The following PTPRG variants were observed in gnomAD, a reference collection of about 807,000 sequenced individuals.
PTPRG encodes the protein receptor-type tyrosine-protein phosphatase gamma.
A neutral mutation model predicts 165.3 loss-of-function variants in PTPRG; 102 were observed. The ratio of observed to expected loss-of-function variants is 0.62; its 90% CI spans 0.53 to 0.73. The LOEUF (loss-of-function observed/expected upper bound fraction) is 0.73. PTPRG is among the 30% of genes least tolerant of loss of function. The probability of loss-of-function intolerance (pLI) is 0.00; values close to 1 mark genes in which losing one functional copy is unlikely to be tolerated. For missense variants in PTPRG, 1,866 were observed against 1,861.4 expected, an observed-to-expected ratio of 1.00 and a Z score of -0.05; for synonymous variants, 675 against 669.5, an observed-to-expected ratio of 1.01 and a Z score of -0.13.
At chr3:62,170,826 C>T (rs1054799881) in intron 8 of PTPRG, among the ~76,000 whole-genome samples, 15 of 152,168 alleles carry the variant, frequency 9.9e-5, no homozygotes, top group East Asian at 1.9e-4. Context: ...GTGCAGTACC[C>T]GTAATACGTG....
intron 2 of PTPRG, 133 bp from the exon 3 acceptor site, chr3:61,989,492 C>A (rs1469559403): frequency 1.3e-6 from 1 of 798,280 alleles, no homozygotes; most frequent in Non-Finnish European, 1.9e-6. Context: ...GGCTTTGATT[C>A]ATAGTTTTCA....
chr3:62,137,715 A>G (rs748691450), intron 6 of PTPRG, among the ~76,000 whole-genome samples: 1 of 151,988 alleles, frequency 6.6e-6, no homozygotes, highest in Non-Finnish European at 1.5e-5. Flanking sequence ...TCTCAGTCCA[A>G]CCACTGAGCT....
At chr3:61,992,095 T>G (rs1329770453) in intron 3 of PTPRG, among the ~76,000 whole-genome samples, 2 of 152,196 alleles carry the variant, frequency 1.3e-5, no homozygotes, top group Non-Finnish European at 2.9e-5. Context: ...AATAGATCTT[T>G]GTTACTCTCA....
At chr3:62,109,012 A>T (rs1377722740) in intron 5 of PTPRG, among the ~76,000 whole-genome samples, 1 of 151,668 alleles carries the variant, frequency 6.6e-6, no homozygotes, top group African/African-American at 2.4e-5. Flanking sequence ...CACCCTGATG[A>T]TAGTTTCTTT....
At chr3:61,886,032 T>A (rs2038027581) in intron 2 of PTPRG, among the ~76,000 whole-genome samples, 2 of 151,808 alleles carry the variant, frequency 1.3e-5, no homozygotes, top group African/African-American at 4.8e-5. Context: ...CCCTGGACAC[T>A]GACCCAGGAC....
chr3:61,925,422 C>T (rs1036149160), intron 2 of PTPRG, among the ~76,000 whole-genome samples: 4 of 152,152 alleles, frequency 2.6e-5, no homozygotes, highest in Admixed American at 6.5e-5. Flanking sequence ...TCTTCATCAC[C>T]GGAAGCCCAG....
rs1168729047 is a variant in PTPRG at position 61,734,859 on chromosome 3, T to C, written c.86-14019T>C. On this transcript the variant is annotated intron_variant, in intron 1 of 29. Coordinates refer to ENST00000474889, the MANE Select transcript of PTPRG (RefSeq NM_002841.4). ...TAGCTTCTTGTATATAAATAGATAT[T>C]GAGAGGGGGGGAATAATACTGAACT... 4.6e-5 allele frequency among the ~76,000 whole-genome samples: 7 copies of C among 152,180 alleles called. No homozygotes were observed. The East Asian group carries it at 1.3e-3, about 29-fold the overall frequency.
rs372040498 is a variant in PTPRG at position 61,706,202 on chromosome 3, T to TG, written c.86-42669dup. ...AAAAAAGAAAAACCCAGAAATACCC[T>TG]GGGGGGGAAAAAAAAAAGAACCTGG... On this transcript the variant is annotated intron_variant, in intron 1 of 29. Coordinates refer to ENST00000474889, the MANE Select transcript of PTPRG (RefSeq NM_002841.4). Among the ~76,000 whole-genome samples the TG allele has an allele frequency of 5.9e-3, 891 of 150,852 alleles. 9 individuals are homozygous for TG. The highest frequency in any genetic ancestry group is 0.02 in the African/African-American group (814 of 41,044).
intron 12 of PTPRG, among the ~76,000 whole-genome samples, chr3:62,208,100 A>C (rs1007260184): frequency 1.3e-5 from 2 of 152,198 alleles, no homozygotes; most frequent in Non-Finnish European, 2.9e-5. Context: ...CGGGTGGTCA[A>C]CCTCTACTGT....
chr3:61,998,441 T>G (rs2041091075), intron 3 of PTPRG, among the ~76,000 whole-genome samples: 1 of 152,232 alleles, frequency 6.6e-6, no homozygotes, highest in African/African-American at 2.4e-5. Flanking sequence ...TGTGAACCCC[T>G]TAACAAACCT....
chr3:62,272,198 A>G (rs1387671644), intron 21 of PTPRG, among the ~76,000 whole-genome samples: 1 of 152,186 alleles, frequency 6.6e-6, no homozygotes, highest in African/African-American at 2.4e-5. Context: ...AGAACTTTCC[A>G]CACTAGAATA....
intron 5 of PTPRG, among the ~76,000 whole-genome samples, chr3:62,131,892 C>T (rs895507447): frequency 1.3e-5 from 2 of 152,250 alleles, no homozygotes; most frequent in East Asian, 1.9e-4. Context: ...AAAGAAAATA[C>T]TTGAAAGCCA....
intron 1 of PTPRG, among the ~76,000 whole-genome samples, chr3:61,591,025 G>A (rs1448247839): frequency 6.6e-6 from 1 of 152,182 alleles, no homozygotes; most frequent in African/African-American, 2.4e-5. Context: ...TGAGAGAATT[G>A]CTTGAGCCTG....
At chr3:61,707,029 T>TAGAA (rs2031299443) in intron 1 of PTPRG, among the ~76,000 whole-genome samples, 1 of 152,216 alleles carries the variant, frequency 6.6e-6, no homozygotes, top group Non-Finnish European at 1.5e-5. Context: ...TTCTACTTAA[T>TAGAA]ATCTCTTAGA....
rs1277138337 is a variant in PTPRG at position 62,243,859 on chromosome 3, G to C, written c.2428G>C (p.Val810Leu). ...FYVEDSSSPR[V>L]VPNESIPIIP... ...TGTGGAAGACAGCAGTTCACCTCGA[G>C]TGGTCCCTAATGAAAGTATCCCTAT... Residue 810 changes from valine (V) to leucine (L), a missense_variant, in exon 15 of 30, where the codon GTG becomes CTG. This residue lies in a region of PTPRG where 1,452 missense variants were observed against 1,463.0 expected (regional missense o/e 0.99). Transcript: ENST00000474889. 6.3e-7 allele frequency: 1 copy of C among 1,594,368 alleles called. No homozygotes were observed. The highest frequency in any genetic ancestry group is 1.1e-5 in the South Asian group (1 of 90,300).
At chr3:61,928,041 G>A (rs2039268271) in intron 2 of PTPRG, among the ~76,000 whole-genome samples, 1 of 152,130 alleles carries the variant, frequency 6.6e-6, no homozygotes, top group African/African-American at 2.4e-5. Context: ...TTTTTGTAAA[G>A]TTGTGGTAGA....
At chr3:61,867,435 T>C (rs2037443068) in intron 2 of PTPRG, among the ~76,000 whole-genome samples, 1 of 151,582 alleles carries the variant, frequency 6.6e-6, no homozygotes, top group Non-Finnish European at 1.5e-5. Context: ...AAGGCGAGTC[T>C]TTTCCCCTCT....
intron 1 of PTPRG, among the ~76,000 whole-genome samples, chr3:61,638,824 AG>A: frequency 6.6e-6 from 1 of 152,190 alleles, no homozygotes; most frequent in Middle Eastern, 3.4e-3. Context: ...GATATTGGTC[AG>A]ATGCATATTT....
At chr3:61,778,263 T>TAGA (rs1243315355) in intron 2 of PTPRG, among the ~76,000 whole-genome samples, 1 of 152,154 alleles carries the variant, frequency 6.6e-6, no homozygotes, top group Non-Finnish European at 1.5e-5. Context: ...GCTCCTGTTA[T>TAGA]AGAATCTCAT....
Sources: gnomAD v4.1 joint callset for allele counts (sites outside exome capture counted in the v4.1 genomes callset) on GRCh38, gnomAD v4.1.1 for gene constraint, gnomAD v4.1.1 regional missense constraint, MANE v1.5 for transcripts, NCBI Gene and HGNC (gene_info 2026-07-23, HGNC 2026-07-21) for gene names.